The following COP1 variants were observed in gnomAD, a reference collection of about 807,000 sequenced individuals.
COP1 encodes E3 ubiquitin-protein ligase COP1.
Under a neutral mutation model 101.3 loss-of-function variants are expected in COP1, and 24 were observed. The observed-to-expected ratio is 0.24, with a 90% CI of 0.17 to 0.33. The LOEUF is 0.33. Ranked by LOEUF, COP1 falls within the 10% of genes least tolerant of loss-of-function variation. The probability of loss-of-function intolerance (pLI) is 1.00; values close to 1 mark genes in which losing one functional copy is unlikely to be tolerated. For synonymous variants in COP1, 347 were observed against 341.9 expected (o/e 1.01, Z -0.17); for missense variants, 663 against 906.2 (o/e 0.73, Z 3.45).
intron 3 of COP1, among the ~76,000 whole-genome samples, chr1:176,175,263 C>T (rs1440629195): frequency 6.6e-6 from 1 of 152,180 alleles, no homozygotes; most frequent in Non-Finnish European, 1.5e-5. Context: ...GGATGTATAA[C>T]ACTTCACAGG....
chr1:176,110,033 A>G (rs1558127796), intron 9 of COP1, among the ~76,000 whole-genome samples: 2 of 152,132 alleles, frequency 1.3e-5, no homozygotes, highest in Non-Finnish European at 2.9e-5. Flanking sequence ...CTGATTTTTT[A>G]ACACACAGGT....
At chr1:176,010,688 G>A (rs1044055571) in intron 15 of COP1, among the ~76,000 whole-genome samples, 1 of 152,090 alleles carries the variant, frequency 6.6e-6, no homozygotes, top group Admixed American at 6.5e-5. Context: ...CAGTATAAAG[G>A]GAATCTGTCT....
chr1:176,156,325 A>T (rs909753704), intron 5 of COP1, among the ~76,000 whole-genome samples: 9 of 152,042 alleles, frequency 5.9e-5, no homozygotes, highest in African/African-American at 2.2e-4. Flanking sequence ...AGAAGATAAA[A>T]TGAGATACTG....
At chr1:176,153,421 T>C (rs926108005) in intron 5 of COP1, among the ~76,000 whole-genome samples, 1 of 152,210 alleles carries the variant, frequency 6.6e-6, no homozygotes, top group Admixed American at 6.5e-5. Context: ...ATACTAGTGA[T>C]TTCTGTACAT....
At chr1:175,955,766 C>CAACACACACACACACACACACACA (rs1553275347) in intron 18 of COP1, among the ~76,000 whole-genome samples, 1 of 129,192 alleles carries the variant, frequency 7.7e-6, no homozygotes, top group Non-Finnish European at 1.6e-5. Context: ...TAGAGACAAA[C>CAACACACACACACACACACACACA]CACACACACA....
intron 14 of COP1, among the ~76,000 whole-genome samples, chr1:176,036,287 A>T (rs79559632): frequency 0.12 from 18,602 of 151,890 alleles, 1,277 homozygotes; most frequent in East Asian, 0.15. Context: ...AAGCAAGAAG[A>T]AAAATGGGCA....
intron 9 of COP1, among the ~76,000 whole-genome samples, chr1:176,094,257 C>T (rs1370771443): frequency 1.3e-5 from 2 of 151,964 alleles, no homozygotes; most frequent in African/African-American, 2.4e-5. Context: ...TTATTCAAAA[C>T]CCTAGAGTAA....
At chr1:176,194,363 G>C (rs1339196640) in intron 1 of COP1, among the ~76,000 whole-genome samples, 1 of 152,138 alleles carries the variant, frequency 6.6e-6, no homozygotes. Flanking sequence ...CTGTTGGCTG[G>C]GCGCAGTGGC....
chr1:176,127,025 G>A (rs76980716), intron 8 of COP1, among the ~76,000 whole-genome samples: 5,973 of 152,104 alleles, frequency 0.039, 170 homozygotes, highest in Non-Finnish European at 0.055. Context: ...CATGAGAACA[G>A]GGTTCTAGGG....
intron 17 of COP1, among the ~76,000 whole-genome samples, chr1:175,987,457 C>T (rs1657391562): frequency 6.6e-6 from 1 of 152,024 alleles, no homozygotes; most frequent in Non-Finnish European, 1.5e-5. Context: ...ATAGTAGAAC[C>T]AGAAATATAT....
intron 8 of COP1, 67 bp downstream of exon 8, chr1:176,134,942 TA>T: frequency 1.7e-6 from 2 of 1,188,402 alleles, no homozygotes; most frequent in Non-Finnish European, 2.5e-6. Context: ...AAAAGGCTCC[TA>T]AAGGACTAGA....
chr1:176,082,702 A>T (rs1679402487), intron 10 of COP1, among the ~76,000 whole-genome samples: 1 of 152,102 alleles, frequency 6.6e-6, no homozygotes, highest in African/African-American at 2.4e-5. Flanking sequence ...GCTACTCGGG[A>T]GGCTAGGCAG....
At chr1:176,111,043 T>C (rs1685193306) in intron 9 of COP1, among the ~76,000 whole-genome samples, 6 of 151,950 alleles carry the variant, frequency 3.9e-5, no homozygotes, top group Admixed American at 3.9e-4. Flanking sequence ...CCCCAGCTAC[T>C]TGGGAGGCTG....
At chr1:176,114,568 T>C (rs1572325946) in intron 9 of COP1, among the ~76,000 whole-genome samples, 1 of 144,466 alleles carries the variant, frequency 6.9e-6, no homozygotes, top group African/African-American at 2.5e-5. Flanking sequence ...TAAAGGATAT[T>C]AGGGTAATTC....
intron 15 of COP1, among the ~76,000 whole-genome samples, chr1:176,017,897 A>T (rs1326008417): frequency 6.6e-6 from 1 of 152,168 alleles, no homozygotes; most frequent in East Asian, 1.9e-4. Flanking sequence ...ATCTCACTAT[A>T]CTGTTTTAGA....
At chr1:176,095,763 T>A (rs1338436569) in intron 9 of COP1, among the ~76,000 whole-genome samples, 23 of 152,018 alleles carry the variant, frequency 1.5e-4, no homozygotes, top group Admixed American at 1.5e-3. Flanking sequence ...AAGATCAGTA[T>A]AAGACTGCTG....
At chr1:175,996,299 T>A (rs1327984956) in intron 15 of COP1, among the ~76,000 whole-genome samples, 1 of 152,256 alleles carries the variant, frequency 6.6e-6, no homozygotes, top group African/African-American at 2.4e-5. Context: ...TCATACTGAA[T>A]GGGCAAAAAC....
intron 9 of COP1, among the ~76,000 whole-genome samples, chr1:176,097,675 C>T (rs1369212583): frequency 6.6e-6 from 1 of 151,948 alleles, no homozygotes; most frequent in Non-Finnish European, 1.5e-5. Flanking sequence ...TCAAGACCAG[C>T]CTGGCCAGCA....
At chr1:176,040,373 T>C (rs986562053) in intron 14 of COP1, among the ~76,000 whole-genome samples, 1 of 152,050 alleles carries the variant, frequency 6.6e-6, no homozygotes, top group Non-Finnish European at 1.5e-5. Context: ...TGGAGTACAG[T>C]GTGGCACAAT....
Sources: allele counts gnomAD v4.1 joint callset (sites outside exome capture counted in the v4.1 genomes callset), GRCh38; gene constraint gnomAD v4.1.1; transcripts MANE v1.5; gene names NCBI Gene and HGNC (gene_info 2026-07-23, HGNC 2026-07-21).